Variants in NEB observed in about 807,000 individuals in gnomAD.
The protein encoded by NEB is nemaline myopathy type 2.
A neutral mutation model predicts 952.2 loss-of-function variants in NEB; 512 were observed. The observed-to-expected ratio is 0.54, with a 90% confidence interval of 0.50 to 0.58. The LOEUF is 0.58. NEB is among the 20% of genes least tolerant of loss of function. NEB has a pLI of 0.00. For missense variants in NEB, 8,428 were observed against 9,231.1 expected (o/e 0.91, Z 3.56); for synonymous variants, 2,900 against 3,149.8 (o/e 0.92, Z 2.66).
At chr2:151,532,904 C>G (rs934259502) in intron 143 of NEB, among the ~76,000 whole-genome samples, 1 of 152,092 alleles carries the variant, frequency 6.6e-6, no homozygotes, top group Non-Finnish European at 1.5e-5. Flanking sequence ...TTATCAGAGA[C>G]ACTGTTAACC....
intron 56 of NEB, 146 bp downstream of exon 56, chr2:151,644,321 CT>C: frequency 9.5e-7 from 1 of 1,047,878 alleles, no homozygotes; most frequent in Non-Finnish European, 1.4e-6. Context: ...CATCCTTGAT[CT>C]TATCCTCATC....
chr2:151,609,760 C>A (rs750007272), intron 81 of NEB, 49 bp downstream of exon 81: 1 of 1,521,928 alleles, frequency 6.6e-7, no homozygotes, highest in South Asian at 1.3e-5. Context: ...GGGCAATGAA[C>A]AAATCTACAT....
intron 12 of NEB, among the ~76,000 whole-genome samples, chr2:151,708,554 G>GC (rs761982341): frequency 6.4e-4 from 98 of 152,132 alleles, no homozygotes; most frequent in Non-Finnish European, 1.0e-3. Context: ...AGCCCCTAAA[G>GC]TTTTCTGTTT....
intron 72 of NEB, among the ~76,000 whole-genome samples, chr2:151,620,079 T>C (rs1227942472): frequency 1.3e-5 from 2 of 152,106 alleles, no homozygotes; most frequent in Admixed American, 1.3e-4. Context: ...TGAGCCTATT[T>C]AAGAACACAC....
chr2:151,723,240 A>G (rs984605389), intron 9 of NEB, 142 bp downstream of exon 9: 4 of 488,680 alleles, frequency 8.2e-6, no homozygotes, highest in Non-Finnish European at 1.4e-5. Flanking sequence ...ATCATAAATT[A>G]TAACAATTCT....
chr2:151,695,489 A>T, intron 18 of NEB, 89 bp downstream of exon 18: 1 of 884,428 alleles, frequency 1.1e-6, no homozygotes, highest in Middle Eastern at 2.1e-4. Context: ...TTTTAACATT[A>T]ATCTATTCAT....
At chr2:151,725,332 T>C in intron 6 of NEB, 121 bp downstream of exon 6, 5 of 775,526 alleles carry the variant, frequency 6.4e-6, no homozygotes, top group Non-Finnish European at 1.1e-5. Context: ...TTTCTAGATT[T>C]GTGAACTAGC....
Position 151,563,822 on chromosome 2 carries a change from C to A in NEB, c.18579+1G>T. On this transcript the variant is annotated splice_donor_variant, in intron 118 of 181. Transcript: ENST00000397345. LOFTEE classifies it high-confidence loss of function. ...TTAGGAGAGGAAAAGGTCATACTGA[C>A]CTCACTGTTCACCAGATCAGCATGC... 6.2e-7 allele frequency: 1 copy of A among 1,613,294 alleles called. No homozygotes were observed. The highest frequency in any genetic ancestry group is 8.5e-7 in the Non-Finnish European group (1 of 1,179,442).
At chr2:151,642,971 T>C (rs1469496496) in intron 58 of NEB, 102 bp from the exon 59 acceptor site, 20 of 1,204,626 alleles carry the variant, frequency 1.7e-5, no homozygotes, top group Non-Finnish European at 2.3e-5. Context: ...GCTCAGTGAA[T>C]CGGTATTTGT....
Position 151,690,716 on chromosome 2 carries a change from A to G in NEB, c.2310+11T>C, listed in dbSNP as rs2099542101. On this transcript the variant is annotated intron_variant, in intron 24 of 181. Transcript: ENST00000397345. ...TGGGTCACCCACGCTTGCATAAATC[A>G]AAGCACTTACATCACTAAGCTGTTT... The G allele has an allele frequency of 6.4e-7, 1 of 1,567,744 alleles. No individual in the cohort carries two copies. Among genetic ancestry groups the G allele is most frequent in the Non-Finnish European group, 8.7e-7 (1 of 1,152,304 alleles).
chr2:151,617,535 G>T (rs560300260), intron 74 of NEB, 67 bp from the exon 75 acceptor site: 8 of 1,029,138 alleles, frequency 7.8e-6, no homozygotes, highest in Middle Eastern at 3.0e-4. Flanking sequence ...AGATATTATT[G>T]TTTTGATTAT....
chr2:151,493,695 C>T, intron 175 of NEB, 80 bp downstream of exon 175: 1 of 1,172,962 alleles, frequency 8.5e-7, no homozygotes, highest in Non-Finnish European at 1.2e-6. Context: ...TTTGGAAAAA[C>T]TGTAAGATAA....
chr2:151,650,427 C>T, intron 53 of NEB, 48 bp from the exon 54 acceptor site: 3 of 1,578,120 alleles, frequency 1.9e-6, no homozygotes, highest in Non-Finnish European at 2.6e-6. Context: ...TCACCTGGAC[C>T]CTTGATTCAA....
intron 106 of NEB, 33 bp downstream of exon 106, chr2:151,576,118 T>A: frequency 2.7e-6 from 4 of 1,469,786 alleles, no homozygotes; most frequent in Non-Finnish European, 3.7e-6. Flanking sequence ...TTTATGGCAT[T>A]AATTCAATTT....
intron 169 of NEB, 144 bp downstream of exon 169, chr2:151,499,154 T>C (rs1050896256): frequency 6.0e-5 from 30 of 497,666 alleles, no homozygotes; most frequent in Non-Finnish European, 8.9e-5. Context: ...GGAAAACTGA[T>C]TCATAGGAAA....
chr2:151,561,549 C>A (rs1213958380), intron 121 of NEB, among the ~76,000 whole-genome samples: 1 of 151,528 alleles, frequency 6.6e-6, no homozygotes, highest in African/African-American at 2.4e-5. Flanking sequence ...TGCCTATTCT[C>A]CATCCCTGAC....
chr2:151,636,357 C>G, intron 63 of NEB, 23 bp from the exon 64 acceptor site: 1 of 1,546,194 alleles, frequency 6.5e-7, no homozygotes, highest in East Asian at 2.3e-5. Flanking sequence ...GAAAAAAAAT[C>G]AGATGCTGAC....
chr2:151,619,890 C>T (rs1203740082), intron 72 of NEB, 128 bp from the exon 73 acceptor site: 32 of 941,954 alleles, frequency 3.4e-5, no homozygotes, highest in African/African-American at 3.3e-5. Flanking sequence ...GCTGCTGTAA[C>T]GCCACATATT....
intron 71 of NEB, among the ~76,000 whole-genome samples, chr2:151,622,141 C>T (rs1460058076): frequency 1.3e-5 from 2 of 152,158 alleles, no homozygotes; most frequent in Admixed American, 1.3e-4. Context: ...GCTGGGATTA[C>T]AGGTGTGTGC....
Sources: gnomAD v4.1 joint callset for allele counts (sites outside exome capture counted in the v4.1 genomes callset) on GRCh38, gnomAD v4.1.1 for gene constraint, MANE v1.5 for transcripts, NCBI Gene and HGNC (gene_info 2026-07-23, HGNC 2026-07-21) for gene names.